The following SH3BP5 variants were observed in gnomAD, a reference collection of about 807,000 sequenced individuals.
SH3BP5 encodes the protein SH3 domain-binding protein 5.
SH3BP5 carries 22 observed loss-of-function variants against 43.3 expected under a neutral mutation model. That is an observed-to-expected ratio of 0.51 (90% CI 0.36 to 0.73). The LOEUF (loss-of-function observed/expected upper bound fraction) is 0.73, where lower values mean the gene tolerates loss of function less well. Ranked by LOEUF, SH3BP5 falls within the 30% of genes least tolerant of loss-of-function variation. The pLI is 0.00. For synonymous variants in SH3BP5, 255 were observed against 225.8 expected (o/e 1.13, Z -1.16); for missense variants, 529 against 586.9 (o/e 0.90, Z 1.02).
At chr3:15,268,972 C>A (rs1696720679) in intron 4 of SH3BP5, among the ~76,000 whole-genome samples, 1 of 152,178 alleles carries the variant, frequency 6.6e-6, no homozygotes, top group African/African-American at 2.4e-5. Context: ...CAATGCACTT[C>A]TCATCCTCCA....
rs748118541 is a variant in SH3BP5, at chr3:15,257,010, C to A, written c.993G>T (p.Pro331=). 1.9e-6 allele frequency: 3 copies of A among 1,614,202 alleles called. No homozygotes were observed. The highest frequency in any genetic ancestry group is 2.5e-6 in the Non-Finnish European group (3 of 1,180,026). Residue 331 remains proline, a synonymous_variant, in exon 8 of 9, where the codon CCG becomes CCT. Coordinates refer to ENST00000383791, the MANE Select transcript of SH3BP5 (RefSeq NM_004844.5). ...CAGGGAACTGGTCAGGCATCTCAGACGGGCTTGTTGGTCCTGAACTAAAGC... is the reference window on the plus strand; with the variant it reads ...CAGGGAACTGGTCAGGCATCTCAGAAGGGCTTGTTGGTCCTGAACTAAAGC... ...VSSFSSGPTS[P]SEMPDQFPAV...
chr3:15,304,333 A>G, intron 2 of SH3BP5, 102 bp from the exon 3 acceptor site: 2 of 1,556,982 alleles, frequency 1.3e-6, no homozygotes, highest in Non-Finnish European at 1.8e-6. Context: ...ACTTTACCCA[A>G]CGTACAGACC....
chr3:15,270,016 C>T (rs778910882), intron 3 of SH3BP5, 139 bp from the exon 4 acceptor site: 1 of 679,714 alleles, frequency 1.5e-6, no homozygotes, highest in Non-Finnish European at 2.4e-6. Flanking sequence ...CCCACAGGTC[C>T]TCATAGATGC....
intron 3 of SH3BP5, among the ~76,000 whole-genome samples, chr3:15,292,717 G>A (rs566616576): frequency 9.9e-5 from 15 of 152,068 alleles, no homozygotes; most frequent in East Asian, 3.9e-4. Flanking sequence ...GCGTGGTGGC[G>A]CATGCCTGTA....
chr3:15,255,860 T>C lies in SH3BP5; in HGVS notation c.*226A>G. On this transcript the variant is annotated 3_prime_UTR_variant, in exon 9 of 9. Transcript: ENST00000383791. Reference sequence around the variant, plus strand: ...TATACGGAATGTTCCACAAAGGCTGTGAACCTAGTCACAGTCTACCCACAA... The same window carrying C: ...TATACGGAATGTTCCACAAAGGCTGCGAACCTAGTCACAGTCTACCCACAA... The C allele has an allele frequency of 1.9e-6, 1 of 523,832 alleles. No individual in the cohort carries two copies. The allele number at this position is 523,832 out of a possible 1,614,324, so 32.4% of individuals were successfully genotyped here.
At chr3:15,325,417 C>T (rs972449771) in intron 2 of SH3BP5, among the ~76,000 whole-genome samples, 7 of 151,832 alleles carry the variant, frequency 4.6e-5, no homozygotes, top group Non-Finnish European at 7.3e-5. Context: ...AGCCCTGATG[C>T]GCCCTCCAGC....
intron 3 of SH3BP5, among the ~76,000 whole-genome samples, chr3:15,271,313 C>A (rs1049786052): frequency 6.6e-6 from 1 of 152,026 alleles, no homozygotes; most frequent in Non-Finnish European, 1.5e-5. Context: ...CAGTGAAATA[C>A]AATTATGCCG....
At chr3:15,302,385 G>T (rs1404794444) in intron 3 of SH3BP5, among the ~76,000 whole-genome samples, 1 of 152,154 alleles carries the variant, frequency 6.6e-6, no homozygotes, top group Non-Finnish European at 1.5e-5. Context: ...GCAGACCAAC[G>T]AGCAATCAGA....
intron 2 of SH3BP5, among the ~76,000 whole-genome samples, chr3:15,304,884 G>C (rs1405117365): frequency 6.7e-6 from 1 of 149,544 alleles, no homozygotes; most frequent in Non-Finnish European, 1.5e-5. Flanking sequence ...CTGTGTATGT[G>C]CACAACATGC....
Position 15,309,273 on chromosome 3 carries a change from A to G in SH3BP5, c.202-5042T>C, listed in dbSNP as rs117423939. ...AACAGGGGTAGGGTGGGAGAATGGG[A>G]TAGTATAGGGCTTTTTGTTTGATTT... On this transcript the variant is annotated intron_variant, in intron 2 of 8. Transcript: ENST00000383791. Among the ~76,000 whole-genome samples, 54 of 152,268 alleles carry G rather than the reference A, an allele frequency of 3.5e-4. 1 individual carries two copies. The East Asian group carries it at 0.01, about 29-fold the overall frequency.
intron 7 of SH3BP5, among the ~76,000 whole-genome samples, chr3:15,257,798 A>G (rs1220319021): frequency 6.6e-6 from 1 of 152,166 alleles, no homozygotes; most frequent in Non-Finnish European, 1.5e-5. Flanking sequence ...CAGCCTGCCC[A>G]CAATCCCACT....
intron 3 of SH3BP5, among the ~76,000 whole-genome samples, chr3:15,300,975 T>C (rs1265771842): frequency 6.6e-6 from 1 of 152,124 alleles, no homozygotes; most frequent in Non-Finnish European, 1.5e-5. Context: ...AATTGCCCTA[T>C]TGTCCTCACT....
chr3:15,256,931 ACT>A lies in SH3BP5; in HGVS notation c.1070_1071del (p.Glu357ValfsTer13). 6.2e-7 allele frequency: 1 copy of A among 1,614,112 alleles called. No individual in the cohort carries two copies. The highest frequency in any genetic ancestry group is 2.2e-5 in the East Asian group (1 of 44,888). ...CCCAACACTGGGAACATCATCCCAAACTCTGACAGGGACACAGGGCTGGGCAG... is the reference window on the plus strand; with the variant it reads ...CCCAACACTGGGAACATCATCCCAAACTGACAGGGACACAGGGCTGGGCAG... Reference protein sequence around the residue: ...LDLPSPVSLSEFGMMFPVLGP... With the variant: ...LDLPSPVSLSXFGMMFPVLGP... On this transcript the variant is annotated frameshift_variant, in exon 8 of 9. Coordinates refer to ENST00000383791, the MANE Select transcript of SH3BP5 (RefSeq NM_004844.5). LOFTEE classifies it high-confidence loss of function.
intron 3 of SH3BP5, among the ~76,000 whole-genome samples, chr3:15,283,917 G>C (rs1697196130): frequency 6.6e-6 from 1 of 152,140 alleles, no homozygotes; most frequent in Non-Finnish European, 1.5e-5. Context: ...CCATAGCCCT[G>C]CTTAGAAGTA....
In SH3BP5 at chr3:15,258,692, A is replaced by G. The variant is rs190047801; in HGVS notation, c.889+139T>C. 4.6e-4 allele frequency: 306 copies of G among 661,530 alleles called. 3 individuals carry two copies. In the Admixed American group the frequency reaches 8.3e-3, roughly 18 times the overall value. The allele number at this position is 661,530 out of a possible 1,614,324, so 41.0% of individuals were successfully genotyped here. ...TAATGAACACAGTGTTCCATAAAACATGGGAACCCACCAGAAATAGCCCTC... is the reference window on the plus strand; with the variant it reads ...TAATGAACACAGTGTTCCATAAAACGTGGGAACCCACCAGAAATAGCCCTC... On this transcript the variant is annotated intron_variant, in intron 7 of 8. Coordinates refer to ENST00000383791, the MANE Select transcript of SH3BP5 (RefSeq NM_004844.5).
chr3:15,311,287 C>T (rs1575338201), intron 2 of SH3BP5, among the ~76,000 whole-genome samples: 2 of 152,276 alleles, frequency 1.3e-5, no homozygotes, highest in African/African-American at 4.8e-5. Context: ...AACTGGAGGC[C>T]AGGTGCGGTG....
chr3:15,259,330 A>C (rs1696344901), intron 6 of SH3BP5: 1 of 550,024 alleles, frequency 1.8e-6, no homozygotes, highest in Non-Finnish European at 3.3e-6. Context: ...CATCAGACAC[A>C]CCAAAGTCCC....
In SH3BP5 at chr3:15,256,171, T is replaced by G. The variant is rs1363050092; in HGVS notation, c.1283A>C (p.Glu428Ala). 6.2e-7 allele frequency: 1 copy of G among 1,614,204 alleles called. No individual in the cohort carries two copies. The highest frequency in any genetic ancestry group is 1.7e-5 in the Admixed American group (1 of 60,030). ...SSTSPEGQALENRMKQLSLQC... is the reference protein window; with the variant it reads ...SSTSPEGQALANRMKQLSLQC... ...TAGGGAGAGCTGCTTCATCCGGTTC[T>G]CCAAGGCCTGGCCCTCAGGGGAGGT... The change falls in exon 9 of 9, where the codon GAG (glutamate) becomes GCG (alanine). Residue 428 changes from glutamate (E) to alanine (A), a missense_variant. Glu to Ala is a moderately radical substitution (Grantham distance 107, BLOSUM62 -1). Transcript: ENST00000383791.
chr3:15,267,382 G>A (rs1208898995), intron 4 of SH3BP5, among the ~76,000 whole-genome samples: 1 of 152,238 alleles, frequency 6.6e-6, no homozygotes, highest in Non-Finnish European at 1.5e-5. Context: ...CTTTGCCACA[G>A]GCTTTTGTCT....
Sources: allele counts gnomAD v4.1 joint callset (sites outside exome capture counted in the v4.1 genomes callset), GRCh38; gene constraint gnomAD v4.1.1; transcripts MANE v1.5; gene names NCBI Gene and HGNC (gene_info 2026-07-23, HGNC 2026-07-21).